DMD: variants seen among roughly 807,000 people sequenced by gnomAD.
DMD encodes the protein mutant dystrophin.
Under a neutral mutation model 330.1 loss-of-function variants are expected in DMD, and 63 were observed. The ratio of observed to expected loss-of-function variants is 0.19; its 90% CI spans 0.16 to 0.24. The LOEUF (loss-of-function observed/expected upper bound fraction) is 0.24. DMD is among the 10% of genes least tolerant of loss of function. The pLI, the probability that DMD is intolerant of heterozygous loss-of-function variation, is 1.00. For missense variants in DMD, 3,344 were observed against 2,684.1 expected (o/e 1.25, Z -5.43); for synonymous variants, 1,223 against 959.8 (o/e 1.27, Z -5.07).
intron 48 of DMD, among the ~76,000 whole-genome samples, chrX:31,865,983 C>T (rs2093792761): frequency 9.0e-6 from 1 of 110,907 alleles, no homozygotes; most frequent in Admixed American, 9.6e-5. Context: ...GATGCTTCAC[C>T]TCTATGGCAC....
intron 9 of DMD, among the ~76,000 whole-genome samples, chrX:32,692,548 C>T (rs953738046): frequency 8.9e-6 from 1 of 111,775 alleles, no homozygotes; most frequent in East Asian, 2.8e-4. Context: ...CCCCTCCCAA[C>T]ACAGGATTGC....
chrX:32,392,685 C>G (rs1446811781), intron 30 of DMD, among the ~76,000 whole-genome samples: 1 of 112,563 alleles, frequency 8.9e-6, no homozygotes, highest in Non-Finnish European at 1.9e-5. Context: ...GACTCTTTGA[C>G]TGCTTTGACC....
At chrX:31,348,928 G>C (rs1028212656) in intron 60 of DMD, among the ~76,000 whole-genome samples, 21 of 111,348 alleles carry the variant, frequency 1.9e-4, no homozygotes, top group African/African-American at 5.5e-4. Context: ...GCTTCAATTA[G>C]TACCATAAAA....
Position 32,575,772 on chromosome X carries a change from A to T in DMD, c.1603-1926T>A, listed in dbSNP as rs182077692. ...CTACCTGACGTGATGATGCAGATCT[A>T]CAAAGTCAAAATGTGGGAAATTTAT... is the stretch of plus-strand genomic sequence containing the variant. On this transcript the variant is annotated intron_variant, in intron 13 of 78. Coordinates refer to ENST00000357033, the MANE Select transcript of DMD (RefSeq NM_004006.3). 2.7e-5 allele frequency among the ~76,000 whole-genome samples: 3 copies of T among 112,091 alleles called. No homozygotes were observed. The East Asian group carries it at 8.4e-4, about 31-fold the overall frequency.
chrX:31,315,120 A>ATGTT (rs2047256270), intron 62 of DMD, among the ~76,000 whole-genome samples: 1 of 112,004 alleles, frequency 8.9e-6, no homozygotes, highest in Non-Finnish European at 1.9e-5. Context: ...AGGCCCGGGA[A>ATGTT]TGTTTGGGAA....
chrX:32,688,405 T>C (rs1255566531), intron 9 of DMD, among the ~76,000 whole-genome samples: 2 of 112,497 alleles, frequency 1.8e-5, no homozygotes, highest in African/African-American at 6.4e-5. Flanking sequence ...ACTTTCATTC[T>C]ACATTTTTTG....
intron 7 of DMD, among the ~76,000 whole-genome samples, chrX:32,733,351 C>A (rs1311932003): frequency 9.1e-6 from 1 of 109,578 alleles, no homozygotes; most frequent in Non-Finnish European, 1.9e-5. Flanking sequence ...TTAGACAGAT[C>A]AACGAGACAG....
chrX:31,585,352 T>C (rs1375162755), intron 55 of DMD, among the ~76,000 whole-genome samples: 2 of 104,727 alleles, frequency 1.9e-5, no homozygotes, highest in Admixed American at 1.0e-4. Flanking sequence ...AAAAAGAATG[T>C]AAACATATAA....
At chrX:32,511,486 C>T (rs1311921066) in intron 18 of DMD, among the ~76,000 whole-genome samples, 2 of 94,501 alleles carry the variant, frequency 2.1e-5, no homozygotes, top group Non-Finnish European at 4.1e-5. Flanking sequence ...TGCGCCACTG[C>T]ACTCCAGCCT....
chrX:32,192,901 G>T (rs1032878047), intron 44 of DMD, among the ~76,000 whole-genome samples: 2 of 111,948 alleles, frequency 1.8e-5, no homozygotes, highest in African/African-American at 6.5e-5. Context: ...TTGGATATGT[G>T]TCCCCGCCCA....
At chrX:32,740,715 G>A (rs927524754) in intron 7 of DMD, among the ~76,000 whole-genome samples, 5 of 111,350 alleles carry the variant, frequency 4.5e-5, no homozygotes, top group African/African-American at 1.6e-4. Context: ...AGACCATTTT[G>A]TGAGTGTATT....
intron 6 of DMD, among the ~76,000 whole-genome samples, chrX:32,810,884 T>C (rs751999245): frequency 2.9e-4 from 32 of 111,732 alleles, no homozygotes; most frequent in African/African-American, 1.0e-3. Context: ...CTTGTCTCTT[T>C]CCTCATATTC....
chrX:31,808,885 G>A lies in DMD; in HGVS notation c.7309+11090C>T, dbSNP rs1378817084. ...AAAGTGCCTATCACCAAATCACATAGTTATGAAAAGTATGCTAATAATCGA... is the reference window on the plus strand; with the variant it reads ...AAAGTGCCTATCACCAAATCACATAATTATGAAAAGTATGCTAATAATCGA... On this transcript the variant is annotated intron_variant, in intron 50 of 78. Transcript: ENST00000357033. Among the ~76,000 whole-genome samples, 3 of 111,094 alleles carry A rather than the reference G, an allele frequency of 2.7e-5. No homozygotes were observed. In the East Asian group the frequency reaches 8.5e-4, roughly 31 times the overall value.
At chrX:32,084,609 G>A (rs2897164) in intron 44 of DMD, among the ~76,000 whole-genome samples, 1 of 110,486 alleles carries the variant, frequency 9.1e-6, no homozygotes, top group African/African-American at 3.3e-5. Flanking sequence ...ATAGATAGAT[G>A]ATGGTGCCAA....
chrX:32,996,364 A>T (rs1170803078), intron 2 of DMD, among the ~76,000 whole-genome samples: 1 of 112,085 alleles, frequency 8.9e-6, no homozygotes, highest in Non-Finnish European at 1.9e-5. Context: ...AAAGTAATAT[A>T]GTACACATTG....
chrX:32,612,705 G>A (rs1569307228), intron 12 of DMD, among the ~76,000 whole-genome samples: 3 of 111,121 alleles, frequency 2.7e-5, no homozygotes, highest in African/African-American at 6.5e-5. Context: ...TCTTCTTCAG[G>A]TGCTCAATTA....
rs2032054061 is a variant in DMD, at chrX:31,119,840, T to C, written c.*2079A>G. 9.0e-6 allele frequency: 1 copy of C among 111,326 alleles called. No individual in the cohort carries two copies. The highest frequency in any genetic ancestry group is 1.9e-5 in the Non-Finnish European group (1 of 52,972). The allele number at this position is 111,326 out of a possible 1,213,427, so 9.2% of individuals were successfully genotyped here. A position where few individuals can be genotyped will look rare whatever the true frequency, so the allele number is the denominator to read the frequency against. On this transcript the variant is annotated 3_prime_UTR_variant, in exon 79 of 79. Transcript: ENST00000357033. Reference sequence around the variant, plus strand: ...CATGTAATTTGGTAATTTGTTACCTTAGAGCTTTGGGTTTTCTTTTGAAAA... The same window carrying C: ...CATGTAATTTGGTAATTTGTTACCTCAGAGCTTTGGGTTTTCTTTTGAAAA...
intron 54 of DMD, among the ~76,000 whole-genome samples, chrX:31,636,287 C>A (rs773158023): frequency 9.0e-6 from 1 of 111,360 alleles, no homozygotes; most frequent in South Asian, 3.8e-4. Flanking sequence ...CAACAAACCC[C>A]CATGACATGA....
chrX:32,534,736 A>G (rs1379499460), intron 17 of DMD, among the ~76,000 whole-genome samples: 3 of 111,338 alleles, frequency 2.7e-5, no homozygotes, highest in African/African-American at 9.8e-5. Context: ...ATCTCCTCAG[A>G]AGAGCCCTAT....
Sources: allele counts gnomAD v4.1 joint callset (sites outside exome capture counted in the v4.1 genomes callset), GRCh38; gene constraint gnomAD v4.1.1; transcripts MANE v1.5; gene names NCBI Gene and HGNC (gene_info 2026-07-23, HGNC 2026-07-21).